Variants in AKAIN1 observed in about 807,000 individuals in gnomAD.
The protein encoded by AKAIN1 is A-kinase anchor inhibitor 1, also known as A-kinase anchor protein inhibitor 1.
AKAIN1 carries 3 observed loss-of-function variants against 3.7 expected under a neutral mutation model. That is an observed-to-expected ratio of 0.82 (90% confidence interval 0.37 to 2.12). The LOEUF (loss-of-function observed/expected upper bound fraction) is 2.12, where lower values mean the gene tolerates loss of function less well. Among genes scored for constraint, AKAIN1 ranks in the 30% most tolerant of loss-of-function variants. AKAIN1 has a pLI of 0.06. For synonymous variants in AKAIN1, 31 were observed against 30.8 expected, an observed-to-expected ratio of 1.01 and a Z score of -0.02; for missense variants, 82 against 82.7, an observed-to-expected ratio of 0.99 and a Z score of 0.03.
intron 1 of AKAIN1, among the ~76,000 whole-genome samples, chr18:5,186,603 A>G (rs2071288947): frequency 1.3e-5 from 2 of 152,198 alleles, no homozygotes; most frequent in Non-Finnish European, 2.9e-5. Context: ...TAGAGGTATT[A>G]GTACTCCTCT....
chr18:5,175,307 G>T (rs1174931770), intron 1 of AKAIN1, among the ~76,000 whole-genome samples: 1 of 152,100 alleles, frequency 6.6e-6, no homozygotes, highest in African/African-American at 2.4e-5. Context: ...TTAGTAGAAG[G>T]TAAGCACAGG....
chr18:5,155,147 A>G (rs1301324380), intron 1 of AKAIN1, among the ~76,000 whole-genome samples: 1 of 151,914 alleles, frequency 6.6e-6, no homozygotes, highest in African/African-American at 2.4e-5. Flanking sequence ...CAGCCTCCCA[A>G]AGTATTGAGA....
chr18:5,163,150 C>T (rs1286169744), intron 1 of AKAIN1, among the ~76,000 whole-genome samples: 1 of 152,034 alleles, frequency 6.6e-6, no homozygotes, highest in Non-Finnish European at 1.5e-5. Flanking sequence ...GACTATTTTA[C>T]AGCCTATTTA....
chr18:5,159,174 C>CTT (rs36002870), intron 1 of AKAIN1, among the ~76,000 whole-genome samples: 1 of 146,420 alleles, frequency 6.8e-6, no homozygotes, highest in African/African-American at 2.5e-5. Flanking sequence ...TGTTTTACGT[C>CTT]TTTTTTTTTT....
chr18:5,155,899 G>A (rs535395841), intron 1 of AKAIN1, among the ~76,000 whole-genome samples: 1 of 152,038 alleles, frequency 6.6e-6, no homozygotes, highest in South Asian at 2.2e-4. Context: ...GGACATCGGA[G>A]GTAAGAAGAT....
intron 1 of AKAIN1, among the ~76,000 whole-genome samples, chr18:5,187,469 C>G (rs1249910043): frequency 6.6e-6 from 1 of 152,142 alleles, no homozygotes; most frequent in Non-Finnish European, 1.5e-5. Flanking sequence ...GCACTGGCAT[C>G]TGGTGAGGAT....
intron 1 of AKAIN1, among the ~76,000 whole-genome samples, chr18:5,163,129 G>A (rs935405465): frequency 1.3e-5 from 2 of 151,948 alleles, no homozygotes; most frequent in African/African-American, 4.8e-5. Context: ...GAGGAAATTT[G>A]GTAGCTAAGT....
chr18:5,157,280 G>T (rs1196509864), intron 1 of AKAIN1, among the ~76,000 whole-genome samples: 1 of 152,162 alleles, frequency 6.6e-6, no homozygotes, highest in Non-Finnish European at 1.5e-5. Context: ...GCAAGGAGCT[G>T]GTGTCCAGAC....
In AKAIN1 at chr18:5,145,308, T is replaced by C; in HGVS notation, c.*254A>G. 2.8e-6 allele frequency: 1 copy of C among 352,672 alleles called. No individual in the cohort carries two copies. Among genetic ancestry groups the C allele is most frequent in the Non-Finnish European group, 5.1e-6 (1 of 195,428 alleles). The allele number at this position is 352,672 out of a possible 1,614,324, so 21.8% of individuals were successfully genotyped here. On this transcript the variant is annotated 3_prime_UTR_variant, in exon 2 of 2. Transcript: ENST00000434239. ...AAAGAACTTTAAAAATAAATTGGCC[T>C]GCAAAACTACTTTTGCAATTACAGT...
chr18:5,162,791 TAGGCATTGGAA>T (rs1172072021), intron 1 of AKAIN1, among the ~76,000 whole-genome samples: 1 of 151,830 alleles, frequency 6.6e-6, no homozygotes, highest in African/African-American at 2.4e-5. Context: ...AGCCCTGGGA[TAGGCATTGGAA>T]AGCAGAGAAC....
Position 5,196,419 on chromosome 18 carries a change from A to C in AKAIN1, c.16+619T>G, listed in dbSNP as rs186126715. ...GCCACGGAGAGCAGCAAAGGGACCA[A>C]GGTCCTTCACCGCCTGCTCCAAAAA... On this transcript the variant is annotated intron_variant, in intron 1 of 1. Transcript: ENST00000434239. 9.5e-4 allele frequency among the ~76,000 whole-genome samples: 145 copies of C among 152,360 alleles called. 2 individuals are homozygous for C. The East Asian group carries it at 0.024, about 25-fold the overall frequency.
chr18:5,197,171 G>C lies in AKAIN1; in HGVS notation c.-118C>G, dbSNP rs6506291. On this transcript the variant is annotated 5_prime_UTR_variant, in exon 1 of 2. Coordinates refer to ENST00000434239, the MANE Select transcript of AKAIN1 (RefSeq NM_001145194.2). This position sits in a 1 kb window ranked among gnomAD's most constrained non-coding sequence, Gnocchi z 6.9. The stretch of plus-strand genomic sequence containing the variant: ...GGAGGGCGCGCTGGGCGGGCGGCGG[G>C]CGGGGCGGTCAGCACCCCGGACAGC... 10 of 1,513,188 alleles carry C rather than the reference G, an allele frequency of 6.6e-6. No individual in the cohort carries two copies. Among genetic ancestry groups the C allele is most frequent in the South Asian group, 6.1e-5 (5 of 81,438 alleles). The allele number at this position is 1,513,188 out of a possible 1,614,324, so 93.7% of individuals were successfully genotyped here.
At chr18:5,161,312 C>A (rs928224826) in intron 1 of AKAIN1, among the ~76,000 whole-genome samples, 6 of 151,774 alleles carry the variant, frequency 4.0e-5, no homozygotes, top group African/African-American at 1.5e-4. Flanking sequence ...TTATATTTTT[C>A]TTTAAATTGT....
chr18:5,146,662 C>T (rs551983210), intron 1 of AKAIN1, among the ~76,000 whole-genome samples: 4 of 152,270 alleles, frequency 2.6e-5, no homozygotes, highest in South Asian at 2.1e-4. Flanking sequence ...CCCCCCTCCC[C>T]GCCTGGTGAT....
upstream of AKAIN1, chr18:5,197,296 C>T (rs554701088): frequency 1.8e-5 from 25 of 1,364,852 alleles, no homozygotes; most frequent in Admixed American, 2.7e-4. This position sits in a 1 kb window ranked among gnomAD's most constrained non-coding sequence, Gnocchi z 6.9. Context: ...GGTGAATCCC[C>T]GCTCAGTCCA....
chr18:5,175,255 C>T (rs1304814860), intron 1 of AKAIN1, among the ~76,000 whole-genome samples: 2 of 152,090 alleles, frequency 1.3e-5, no homozygotes, highest in African/African-American at 4.8e-5. Flanking sequence ...ATTACAGTGG[C>T]TCATGATGCA....
At chr18:5,148,363 C>T (rs1395698033) in intron 1 of AKAIN1, among the ~76,000 whole-genome samples, 1 of 152,160 alleles carries the variant, frequency 6.6e-6, no homozygotes, top group African/African-American at 2.4e-5. Context: ...AGCTGGTTAA[C>T]CAATATCCCA....
At chr18:5,193,755 C>A (rs994986650) in intron 1 of AKAIN1, among the ~76,000 whole-genome samples, 1 of 152,170 alleles carries the variant, frequency 6.6e-6, no homozygotes, top group African/African-American at 2.4e-5. Context: ...TATTTCCCCA[C>A]AAAACCAAGA....
intron 1 of AKAIN1, among the ~76,000 whole-genome samples, chr18:5,174,153 A>G (rs937024432): frequency 9.2e-5 from 14 of 152,088 alleles, no homozygotes; most frequent in African/African-American, 2.9e-4. Flanking sequence ...TGCGGACTCA[A>G]TGATGGAGAT....
Sources: allele counts gnomAD v4.1 joint callset (sites outside exome capture counted in the v4.1 genomes callset), GRCh38; gene constraint gnomAD v4.1.1; non-coding constraint Gnocchi (gnomAD v3.1); transcripts MANE v1.5; gene names NCBI Gene and HGNC (gene_info 2026-07-23, HGNC 2026-07-21).